EVC: variants seen among roughly 807,000 people sequenced by gnomAD.
The protein encoded by EVC is evC complex member EVC.
A neutral mutation model predicts 118.9 loss-of-function variants in EVC; 116 were observed. That is an observed-to-expected ratio of 0.98 (90% CI 0.84 to 1.14). The LOEUF is 1.14. Ranked by LOEUF, EVC falls within the 50% of genes most tolerant of loss-of-function variation. The pLI, the probability that EVC is intolerant of heterozygous loss-of-function variation, is 0.00. For missense variants in EVC, 1,401 were observed against 1,246.4 expected (o/e 1.12, Z -1.87); for synonymous variants, 619 against 534.7 (o/e 1.16, Z -2.18).
intron 11 of EVC, among the ~76,000 whole-genome samples, chr4:5,759,473 G>C (rs548654024): frequency 6.6e-6 from 1 of 152,086 alleles, no homozygotes; most frequent in Admixed American, 6.5e-5. Flanking sequence ...TTCCCCTGCC[G>C]GAGGTGAGCC....
At chr4:5,788,841 G>T (rs2152310928) in intron 12 of EVC, among the ~76,000 whole-genome samples, 1 of 152,258 alleles carries the variant, frequency 6.6e-6, no homozygotes, top group East Asian at 1.9e-4. Flanking sequence ...CAGGCTGCAT[G>T]CAGCCCAACA....
downstream of EVC, chr4:5,814,431 C>G (rs374543977): frequency 6.6e-6 from 1 of 152,244 alleles, no homozygotes; most frequent in African/African-American, 2.4e-5. Flanking sequence ...CACCACATTC[C>G]TTCTGAGGCC....
intron 17 of EVC, among the ~76,000 whole-genome samples, chr4:5,807,639 C>T (rs2152385028): frequency 6.7e-6 from 1 of 148,164 alleles, no homozygotes; most frequent in South Asian, 2.1e-4. Context: ...AGCTCTGTCC[C>T]CCTCTCTGAG....
intron 8 of EVC, among the ~76,000 whole-genome samples, chr4:5,748,980 C>G (rs1038146737): frequency 6.6e-6 from 1 of 151,978 alleles, no homozygotes; most frequent in African/African-American, 2.4e-5. Context: ...TGGGGTGCAA[C>G]CTGGCTGGGC....
At chr4:5,739,237 G>A (rs1449754431) in intron 5 of EVC, among the ~76,000 whole-genome samples, 1 of 152,136 alleles carries the variant, frequency 6.6e-6, no homozygotes, top group Non-Finnish European at 1.5e-5. Flanking sequence ...AAGTAGACTC[G>A]AAACTAACAT....
intron 7 of EVC, among the ~76,000 whole-genome samples, chr4:5,745,797 A>C (rs1729280694): frequency 6.6e-6 from 1 of 152,170 alleles, no homozygotes; most frequent in South Asian, 2.1e-4. Flanking sequence ...TGTCCTTGGC[A>C]CTTGCTCTTC....
chr4:5,788,722 T>C (rs1025500481), intron 12 of EVC, among the ~76,000 whole-genome samples: 4 of 152,198 alleles, frequency 2.6e-5, no homozygotes, highest in African/African-American at 9.7e-5. Flanking sequence ...CTTAGCACCC[T>C]GGTCAAAACC....
chr4:5,808,488 C>T (rs1197967405), intron 18 of EVC, among the ~76,000 whole-genome samples, 161 bp downstream of exon 18: 1 of 152,232 alleles, frequency 6.6e-6, no homozygotes, highest in Non-Finnish European at 1.5e-5. Context: ...GTGTCGGCCT[C>T]GCCTTAGGAC....
intron 2 of EVC, 79 bp from the exon 3 acceptor site, chr4:5,729,228 T>C: frequency 7.6e-7 from 1 of 1,323,210 alleles, no homozygotes. Flanking sequence ...AAATGGGATG[T>C]GGCATTTTGG....
At chr4:5,726,954 C>T (rs1482289130) in intron 2 of EVC, among the ~76,000 whole-genome samples, 2 of 152,064 alleles carry the variant, frequency 1.3e-5, no homozygotes, top group Non-Finnish European at 2.9e-5. Flanking sequence ...GACACATTTT[C>T]TTAATCCAGT....
In EVC at chr4:5,745,298, T is replaced by A. The variant is rs1344717487; in HGVS notation, c.896T>A (p.Val299Glu). ...GDSEYITLAD[V>E]EKKEREYSEQ... Reference sequence around the variant, plus strand: ...TCTGAGTACATCACCCTGGCTGATGTGGAAAAGAAGGAGAGAGAATACTCT... The same window carrying A: ...TCTGAGTACATCACCCTGGCTGATGAGGAAAAGAAGGAGAGAGAATACTCT... The change falls in exon 7 of 21, where the codon GTG becomes GAG. Residue 299 changes from valine to glutamate, a missense_variant. Transcript: ENST00000264956. 1.2e-6 allele frequency: 2 copies of A among 1,613,896 alleles called. No individual in the cohort carries two copies. Among genetic ancestry groups the A allele is most frequent in the Non-Finnish European group, 1.7e-6 (2 of 1,179,960 alleles).
chr4:5,825,540 C>G, the EVC span: 1 of 1,592,426 alleles, frequency 6.3e-7, no homozygotes, highest in Non-Finnish European at 8.5e-7. The surrounding 1 kb of genome is among the most constrained non-coding windows in gnomAD (Gnocchi z 4.4). Context: ...TGGGTGGGGG[C>G]TGGTGTTTAG....
At chr4:5,803,557 C>T (rs544024479) in intron 16 of EVC, among the ~76,000 whole-genome samples, 4 of 152,244 alleles carry the variant, frequency 2.6e-5, no homozygotes, top group Non-Finnish European at 5.9e-5. Context: ...CACCCCAGCC[C>T]CCATCCATCC....
chr4:5,744,679 C>T (rs1729087157), intron 6 of EVC, among the ~76,000 whole-genome samples: 1 of 152,218 alleles, frequency 6.6e-6, no homozygotes, highest in Non-Finnish European at 1.5e-5. Context: ...CTTCCCCACA[C>T]AGAAACAGGG....
downstream of EVC, among the ~76,000 whole-genome samples, chr4:5,818,783 A>C (rs1329347515): frequency 1.3e-5 from 2 of 152,186 alleles, no homozygotes; most frequent in Non-Finnish European, 2.9e-5. Context: ...CTCAGTCTCA[A>C]AGTCTGTAAG....
intron 11 of EVC, among the ~76,000 whole-genome samples, chr4:5,762,047 CCCCCCA>C (rs1732120669): frequency 2.9e-5 from 2 of 68,994 alleles, no homozygotes; most frequent in Admixed American, 3.0e-4. Flanking sequence ...TGCTATCCCT[CCCCCCA>C]CCCCCACCCC....
chr4:5,780,081 C>G (rs943625211), intron 11 of EVC, among the ~76,000 whole-genome samples: 2 of 152,138 alleles, frequency 1.3e-5, no homozygotes, highest in African/African-American at 4.8e-5. Context: ...AAGGTCTTTT[C>G]TGCATCTATT....
the EVC span, among the ~76,000 whole-genome samples, chr4:5,819,964 GA>G: frequency 6.6e-6 from 1 of 152,174 alleles, no homozygotes; most frequent in Admixed American, 6.5e-5. Flanking sequence ...GTTGATGTGG[GA>G]CCAGAGCATC....
intron 5 of EVC, 95 bp downstream of exon 5, chr4:5,733,530 G>A (rs1727182442): frequency 8.4e-6 from 9 of 1,074,942 alleles, no homozygotes; most frequent in African/African-American, 1.5e-5. Flanking sequence ...CCCTTGAGAG[G>A]CAGACATCAG....
Sources: allele counts gnomAD v4.1 joint callset (sites outside exome capture counted in the v4.1 genomes callset), GRCh38; gene constraint gnomAD v4.1.1; non-coding constraint Gnocchi (gnomAD v3.1); transcripts MANE v1.5; gene names NCBI Gene and HGNC (gene_info 2026-07-23, HGNC 2026-07-21).